The following UBR1 variants were observed in gnomAD, a reference collection of about 807,000 sequenced individuals.
The protein encoded by UBR1 is ubiquitin protein ligase E3 component n-recognin 1.
UBR1 carries 102 observed loss-of-function variants against 242.1 expected under a neutral mutation model. That is an observed-to-expected ratio of 0.42 (90% confidence interval 0.36 to 0.50). The LOEUF (loss-of-function observed/expected upper bound fraction) is 0.50. Among genes scored for constraint, UBR1 ranks in the 20% least tolerant of loss-of-function variants. The probability of loss-of-function intolerance (pLI) is 0.01; values close to 1 mark genes in which losing one functional copy is unlikely to be tolerated. For synonymous variants in UBR1, 675 were observed against 684.8 expected (o/e 0.99, Z 0.22); for missense variants, 1,772 against 2,101.8 (o/e 0.84, Z 3.07).
chr15:43,078,253 G>C (rs531049144), intron 3 of UBR1, among the ~76,000 whole-genome samples: 1 of 152,262 alleles, frequency 6.6e-6, no homozygotes, highest in Non-Finnish European at 1.5e-5. Flanking sequence ...AGTACTTTTG[G>C]AAGAAAATCA....
At chr15:43,060,236 GTAAGA>G (rs1326202727) in intron 6 of UBR1, 122 bp from the exon 7 acceptor site, 1 of 911,074 alleles carries the variant, frequency 1.1e-6, no homozygotes. Context: ...ACTAAAAGTT[GTAAGA>G]TACCGGAACA....
chr15:43,001,291 G>C (rs1392275998), intron 32 of UBR1, among the ~76,000 whole-genome samples: 5 of 151,842 alleles, frequency 3.3e-5, no homozygotes, highest in African/African-American at 1.2e-4. Flanking sequence ...GGGATTATAG[G>C]TGCCCACCAT....
chr15:43,042,567 A>G (rs943599647), intron 15 of UBR1, among the ~76,000 whole-genome samples: 8 of 152,140 alleles, frequency 5.3e-5, no homozygotes, highest in Non-Finnish European at 1.2e-4. Context: ...TGTTTAATAA[A>G]TTATTATTCT....
Position 43,007,083 on chromosome 15 carries a change from T to G in UBR1, c.3411A>C (p.Ser1137=). The change falls in exon 30 of 47, where the codon TCA becomes TCC. Residue 1137 remains serine, a synonymous_variant. Transcript: ENST00000290650. ...TQHRGKPIEL[S]GEALDPLFMD... ...TATTTATTAAATAATACATACCTCCTGAGAGTTCTATGGGTTTTCCCCTGT... is the reference window on the plus strand; with the variant it reads ...TATTTATTAAATAATACATACCTCCGGAGAGTTCTATGGGTTTTCCCCTGT... 1.2e-6 allele frequency: 2 copies of G among 1,613,824 alleles called. No homozygotes were observed. The highest frequency in any genetic ancestry group is 1.7e-6 in the Non-Finnish European group (2 of 1,179,688).
At chr15:42,995,057 T>C (rs771816215) in intron 33 of UBR1, among the ~76,000 whole-genome samples, 15 of 152,206 alleles carry the variant, frequency 9.9e-5, no homozygotes, top group Non-Finnish European at 1.8e-4. Context: ...TTAGTGAATA[T>C]GTTTAAAAGA....
intron 15 of UBR1, among the ~76,000 whole-genome samples, chr15:43,040,511 G>A (rs1596114518): frequency 6.6e-6 from 1 of 152,186 alleles, no homozygotes; most frequent in African/African-American, 2.4e-5. Flanking sequence ...AGAAAACCTA[G>A]GCAATACCAT....
At chr15:43,024,371 C>T (rs925122828) in intron 25 of UBR1, among the ~76,000 whole-genome samples, 3 of 152,194 alleles carry the variant, frequency 2.0e-5, no homozygotes, top group Non-Finnish European at 2.9e-5. Flanking sequence ...AAAGTAGCTG[C>T]TTTCACTTTA....
At chr15:43,031,373 A>G (rs2033255559) in intron 20 of UBR1, among the ~76,000 whole-genome samples, 1 of 152,252 alleles carries the variant, frequency 6.6e-6, no homozygotes. Flanking sequence ...GATTCTTTAC[A>G]TAGCACTCTA....
At chr15:43,067,298 A>C (rs1007407446) in intron 6 of UBR1, among the ~76,000 whole-genome samples, 1 of 152,200 alleles carries the variant, frequency 6.6e-6, no homozygotes, top group Admixed American at 6.5e-5. Flanking sequence ...AAACACAGAG[A>C]AAGTTAACCA....
chr15:42,984,251 T>C (rs1054589315), intron 36 of UBR1, among the ~76,000 whole-genome samples: 10 of 152,210 alleles, frequency 6.6e-5, no homozygotes, highest in Non-Finnish European at 1.5e-4. Flanking sequence ...ACATAAAAAG[T>C]GTTTTCCCCA....
At position 42,960,645 on chromosome 15, in the gene UBR1, C is replaced by T; in HGVS notation, c.4757G>A (p.Arg1586Lys). The change falls in exon 43 of 47, where the codon AGG becomes AAG. Residue 1586 changes from arginine (R) to lysine (K), a missense_variant and splice_region_variant. Physicochemically the swap from Arg to Lys is conservative, Grantham distance 26 (BLOSUM62 2). Coordinates refer to ENST00000290650, the MANE Select transcript of UBR1 (RefSeq NM_174916.3). The part of the protein sequence containing the change: ...NCLKQKNTVV[R>K]YPRKRNSLIE... ...GAAAGGATTAAGTAGTAAAACCAAC[C>T]TGACCACGGTGTTTTTTTGCTTCAA... is the stretch of plus-strand genomic sequence containing the variant. The T allele has an allele frequency of 1.2e-6, 2 of 1,614,034 alleles. No individual in the cohort carries two copies. The highest frequency in any genetic ancestry group is 1.7e-6 in the Non-Finnish European group (2 of 1,179,936).
rs573944269 is a variant in UBR1 at position 43,038,186 on chromosome 15, A to G, written c.1896T>C (p.His632=). 4 of 1,614,132 alleles carry G rather than the reference A, an allele frequency of 2.5e-6. No individual in the cohort carries two copies. The East Asian group carries it at 8.9e-5, about 36-fold the overall frequency. Residue 632 remains histidine (H), a synonymous_variant, in exon 16 of 47, where the codon CAT becomes CAC. Transcript: ENST00000290650. ...AATCACTTACAAAAGACACAAATTC[A>G]TGCAGTCTTGAAACAGCACCCAGCC... ...LSRLGAVSRL[H]EFVSFEDFQV...
At chr15:43,033,645 C>T (rs922290530) in intron 19 of UBR1, among the ~76,000 whole-genome samples, 8 of 151,986 alleles carry the variant, frequency 5.3e-5, no homozygotes, top group Non-Finnish European at 1.2e-4. Context: ...CAGAGCGAGA[C>T]TTCGTCTCAA....
At position 43,029,880 on chromosome 15, in the gene UBR1, T is replaced by TA. The variant is rs1228939983; in HGVS notation, c.2379+63dup. 3.7e-6 allele frequency: 6 copies of TA among 1,601,542 alleles called. No individual in the cohort carries two copies. In the African/African-American group the frequency reaches 8.0e-5, roughly 21 times the overall value. ...CTAAAATTTTGAAGTAGTTTCCAAT[T>TA]AAAGAAAAAGAAACATCTACCCCAT... On this transcript the variant is annotated intron_variant, in intron 21 of 46. Coordinates refer to ENST00000290650, the MANE Select transcript of UBR1 (RefSeq NM_174916.3).
chr15:43,054,723 T>C lies in UBR1; in HGVS notation c.1439+19A>G. ...CTGAGTTTAACAGGTGCCCTCACCT[T>C]TTGACTTGAACAACTTACTTTAGGT... On this transcript the variant is annotated intron_variant, in intron 12 of 46. Transcript: ENST00000290650. 1 of 1,613,940 alleles carries C rather than the reference T, an allele frequency of 6.2e-7. No individual in the cohort carries two copies. The highest frequency in any genetic ancestry group is 1.1e-5 in the South Asian group (1 of 91,048).
At position 43,015,706 on chromosome 15, in the gene UBR1, G is replaced by T. The variant is rs1235503054; in HGVS notation, c.3191C>A (p.Ser1064Tyr). The change falls in exon 29 of 47, where the codon TCC becomes TAC. Residue 1064 changes from serine to tyrosine, a missense_variant. By Grantham distance (144) the Ser-to-Tyr change is moderately radical (BLOSUM62 -2). Coordinates refer to ENST00000290650, the MANE Select transcript of UBR1 (RefSeq NM_174916.3). Reference sequence around the variant, plus strand: ...ATTTTACCTCTCTTCCTCCATAATGGAATCTTCTTTCCCAGGCATTTCTGA... The same window carrying T: ...ATTTTACCTCTCTTCCTCCATAATGTAATCTTCTTTCCCAGGCATTTCTGA... ...NTSEMPGKED[S>Y]IMEEESTPAV... The T allele has an allele frequency of 6.2e-7, 1 of 1,613,598 alleles. No homozygotes were observed.
rs561123887 is a variant in UBR1 at position 43,020,532 on chromosome 15, C to G, written c.2940+743G>C. On this transcript the variant is annotated intron_variant, in intron 27 of 46. Transcript: ENST00000290650. Reference sequence around the variant, plus strand: ...CCTAACAGTTTCCTTACTTGTATGCCTATCCCCCATAATCCATTTACTCCA... The same window carrying G: ...CCTAACAGTTTCCTTACTTGTATGCGTATCCCCCATAATCCATTTACTCCA... 3.3e-5 allele frequency among the ~76,000 whole-genome samples: 5 copies of G among 152,310 alleles called. No homozygotes were observed. In the East Asian group the frequency reaches 9.6e-4, roughly 29 times the overall value.
At chr15:43,098,710 TAG>T (rs1567152340) in intron 1 of UBR1, among the ~76,000 whole-genome samples, 1 of 152,218 alleles carries the variant, frequency 6.6e-6, no homozygotes, top group African/African-American at 2.4e-5. Flanking sequence ...CATTTTGACT[TAG>T]AGTTTTAGAA....
At chr15:43,044,983 A>C (rs1045229343) in intron 14 of UBR1, among the ~76,000 whole-genome samples, 1 of 152,230 alleles carries the variant, frequency 6.6e-6, no homozygotes, top group Admixed American at 6.5e-5. Context: ...TGAATCTTAC[A>C]TGAACCCAGA....
Sources: allele counts gnomAD v4.1 joint callset (sites outside exome capture counted in the v4.1 genomes callset), GRCh38; gene constraint gnomAD v4.1.1; transcripts MANE v1.5; gene names NCBI Gene and HGNC (gene_info 2026-07-23, HGNC 2026-07-21).